Variants in CEP112 observed in about 807,000 individuals in gnomAD.
CEP112 encodes the protein centrosomal protein 112.
Under a neutral mutation model 153.0 loss-of-function variants are expected in CEP112, and 127 were observed. The ratio of observed to expected loss-of-function variants is 0.83; its 90% confidence interval spans 0.72 to 0.96. The LOEUF is 0.96. CEP112 is among the 40% of genes least tolerant of loss of function. The pLI is 0.00. For synonymous variants in CEP112, 358 were observed against 374.4 expected (o/e 0.96, Z 0.51); for missense variants, 1,089 against 1,101.2 (o/e 0.99, Z 0.16).
chr17:65,915,209 T>G (rs1038801438), intron 19 of CEP112, among the ~76,000 whole-genome samples: 1 of 152,204 alleles, frequency 6.6e-6, no homozygotes, highest in African/African-American at 2.4e-5. Flanking sequence ...CATGTATCAG[T>G]GTCTGTCACC....
chr17:65,654,860 A>G, intron 24 of CEP112: 1 of 453,576 alleles, frequency 2.2e-6, no homozygotes, highest in South Asian at 1.8e-5. Flanking sequence ...TTAAATTCTG[A>G]ATAAGATTGA....
At chr17:66,122,235 G>A (rs1262424705) in intron 6 of CEP112, among the ~76,000 whole-genome samples, 2 of 151,970 alleles carry the variant, frequency 1.3e-5, no homozygotes, top group Non-Finnish European at 1.5e-5. Flanking sequence ...GTTTCCTTTA[G>A]TTCTTTGAAC....
chr17:65,849,137 C>T (rs1261521442), intron 21 of CEP112, among the ~76,000 whole-genome samples: 2 of 152,152 alleles, frequency 1.3e-5, no homozygotes, highest in African/African-American at 4.8e-5. Context: ...GCTAGCTCTC[C>T]CCTGGATCAA....
chr17:66,157,636 C>G (rs1001144496), intron 4 of CEP112, among the ~76,000 whole-genome samples: 8 of 149,710 alleles, frequency 5.3e-5, no homozygotes, highest in Non-Finnish European at 1.0e-4. Context: ...GGAGACCCAT[C>G]TCACATGCAA....
chr17:65,858,781 T>G (rs969862846), intron 20 of CEP112, among the ~76,000 whole-genome samples: 1 of 152,224 alleles, frequency 6.6e-6, no homozygotes, highest in Admixed American at 6.5e-5. Flanking sequence ...GAAGTACTAT[T>G]TTCATTATCA....
chr17:65,930,285 T>C, intron 18 of CEP112, among the ~76,000 whole-genome samples: 1 of 152,320 alleles, frequency 6.6e-6, no homozygotes, highest in Non-Finnish European at 1.5e-5. Flanking sequence ...CACAATATAT[T>C]TGAAAAAAAC....
intron 18 of CEP112, among the ~76,000 whole-genome samples, chr17:65,949,144 C>A (rs1382221979): frequency 1.3e-5 from 2 of 152,152 alleles, no homozygotes; most frequent in African/African-American, 2.4e-5. Context: ...ATCAAAGACA[C>A]AATTTACCAT....
At chr17:65,827,126 C>G (rs1463700245) in intron 21 of CEP112, among the ~76,000 whole-genome samples, 1 of 152,180 alleles carries the variant, frequency 6.6e-6, no homozygotes. Flanking sequence ...GGACTTAAAC[C>G]ACTGGCTTGC....
At chr17:65,749,466 C>T (rs2051683693) in intron 22 of CEP112, among the ~76,000 whole-genome samples, 1 of 151,946 alleles carries the variant, frequency 6.6e-6, no homozygotes, top group Non-Finnish European at 1.5e-5. Flanking sequence ...CGAGATTGCA[C>T]CACTGCACTC....
At chr17:65,727,759 A>G (rs2050260348) in intron 23 of CEP112, among the ~76,000 whole-genome samples, 1 of 152,308 alleles carries the variant, frequency 6.6e-6, no homozygotes, top group African/African-American at 2.4e-5. Flanking sequence ...AGGCAGTGCA[A>G]CATATAGGAC....
chr17:65,827,780 C>T (rs2056900166), intron 21 of CEP112, among the ~76,000 whole-genome samples: 1 of 152,182 alleles, frequency 6.6e-6, no homozygotes, highest in African/African-American at 2.4e-5. Context: ...TCTAGCAATG[C>T]CAGCCATGCT....
rs182469537 is a variant in CEP112 at position 65,788,618 on chromosome 17, G to T, written c.2395-37894C>A. Among the ~76,000 whole-genome samples, 3 of 151,964 alleles carry T rather than the reference G, an allele frequency of 2.0e-5. No homozygotes were observed. The East Asian group carries it at 5.8e-4, about 29-fold the overall frequency. ...GTTTTCTATTCTTTCATTTAATCACGTTTTCTAAAAATGTTTCCATCTTAT... is the reference window on the plus strand; with the variant it reads ...GTTTTCTATTCTTTCATTTAATCACTTTTTCTAAAAATGTTTCCATCTTAT... On this transcript the variant is annotated intron_variant, in intron 21 of 26. Transcript: ENST00000535342.
At chr17:65,645,917 G>A (rs2143465256) in intron 24 of CEP112, among the ~76,000 whole-genome samples, 1 of 152,350 alleles carries the variant, frequency 6.6e-6, no homozygotes, top group South Asian at 2.1e-4. Context: ...CCACAGCTAT[G>A]CTTTGGTTTT....
chr17:65,686,690 C>T (rs2047811683), intron 24 of CEP112, among the ~76,000 whole-genome samples: 1 of 152,174 alleles, frequency 6.6e-6, no homozygotes, highest in African/African-American at 2.4e-5. Flanking sequence ...GCATTTTCAT[C>T]TCTTTGACTT....
intron 21 of CEP112, among the ~76,000 whole-genome samples, chr17:65,753,379 C>T (rs1403666511): frequency 6.6e-6 from 1 of 152,206 alleles, no homozygotes; most frequent in Non-Finnish European, 1.5e-5. Context: ...TCGCCTCAGT[C>T]CATACCTTTG....
chr17:66,164,053 C>G (rs1048179530), intron 4 of CEP112, among the ~76,000 whole-genome samples: 3 of 152,140 alleles, frequency 2.0e-5, no homozygotes, highest in Admixed American at 6.5e-5. Flanking sequence ...CACTTGGCCT[C>G]ATCTTAGTAA....
At chr17:65,965,554 G>A (rs1049800803) in intron 17 of CEP112, among the ~76,000 whole-genome samples, 1 of 121,208 alleles carries the variant, frequency 8.3e-6, no homozygotes, top group African/African-American at 3.1e-5. Flanking sequence ...ACAGGGTATT[G>A]CTCTGTCGCC....
intron 24 of CEP112, among the ~76,000 whole-genome samples, chr17:65,668,766 G>A (rs939836312): frequency 1.3e-5 from 2 of 152,192 alleles, no homozygotes; most frequent in African/African-American, 4.8e-5. Flanking sequence ...CTGATTGGCT[G>A]GAAGAGTTCA....
intron 22 of CEP112, 36 bp from the exon 23 acceptor site, chr17:65,743,253 T>C (rs375944236): frequency 1.9e-6 from 3 of 1,550,356 alleles, no homozygotes; most frequent in Non-Finnish European, 2.6e-6. Flanking sequence ...CTTCAAATTC[T>C]TCTGGGAGAG....
Sources: allele counts gnomAD v4.1 joint callset (sites outside exome capture counted in the v4.1 genomes callset), GRCh38; gene constraint gnomAD v4.1.1; transcripts MANE v1.5; gene names NCBI Gene and HGNC (gene_info 2026-07-23, HGNC 2026-07-21).